TIAM1: variants seen among roughly 807,000 people sequenced by gnomAD.
TIAM1 encodes TIAM Rac1 associated GEF 1.
TIAM1 carries 65 observed loss-of-function variants against 163.5 expected under a neutral mutation model. The ratio of observed to expected loss-of-function variants is 0.40; its 90% confidence interval spans 0.33 to 0.49. TIAM1 has a LOEUF of 0.49. Among genes scored for constraint, TIAM1 ranks in the 20% least tolerant of loss-of-function variants. The probability of loss-of-function intolerance (pLI) is 0.77; values close to 1 mark genes in which losing one functional copy is unlikely to be tolerated. For missense variants in TIAM1, 1,789 were observed against 2,044.7 expected (o/e 0.87, Z 2.41); for synonymous variants, 833 against 810.1 (o/e 1.03, Z -0.48).
At chr21:31,231,580 C>T (rs767310081) in intron 6 of TIAM1, among the ~76,000 whole-genome samples, 1 of 152,222 alleles carries the variant, frequency 6.6e-6, no homozygotes, top group South Asian at 2.1e-4. Context: ...AGTTAAACAC[C>T]CTTTGAATGG....
intron 2 of TIAM1, among the ~76,000 whole-genome samples, chr21:31,431,005 A>G (rs1191549980): frequency 9.2e-5 from 14 of 152,164 alleles, no homozygotes; most frequent in Admixed American, 9.2e-4. Flanking sequence ...AATATGTAAT[A>G]GTAATAATAA....
At chr21:31,506,678 G>A (rs1431974453) in intron 1 of TIAM1, among the ~76,000 whole-genome samples, 3 of 152,200 alleles carry the variant, frequency 2.0e-5, no homozygotes, top group Admixed American at 6.5e-5. Flanking sequence ...AGCACTTTGG[G>A]AGGCTGAGGC....
At chr21:31,450,730 G>A (rs1342151329) in intron 2 of TIAM1, among the ~76,000 whole-genome samples, 8 of 152,320 alleles carry the variant, frequency 5.3e-5, no homozygotes, top group South Asian at 4.1e-4. Context: ...AAGGCGAAAC[G>A]CGTGCCTTAC....
At chr21:31,127,616 C>A (rs1046014592) in intron 25 of TIAM1, among the ~76,000 whole-genome samples, 1 of 152,056 alleles carries the variant, frequency 6.6e-6, no homozygotes, top group Non-Finnish European at 1.5e-5. Context: ...CAGGGTTTCA[C>A]CATGTTGGTT....
rs2077047827 is a variant in TIAM1 at position 31,395,378 on chromosome 21, G to GC, written c.-368-55957dup. ...GATCACTGCTTGCCTCCAGAGAGAAGCAGTCCACTGGGGACACGGTGCCGC... is the reference window on the plus strand; with the variant it reads ...GATCACTGCTTGCCTCCAGAGAGAAGCCAGTCCACTGGGGACACGGTGCCGC... On this transcript the variant is annotated intron_variant, in intron 2 of 28. Coordinates refer to the TIAM1 transcript ENST00000286827. The surrounding 1 kb of genome is among the most constrained non-coding windows in gnomAD (Gnocchi z 7.5). 6.6e-6 allele frequency among the ~76,000 whole-genome samples: 1 copy of GC among 152,154 alleles called. No homozygotes were observed. The highest frequency in any genetic ancestry group is 2.4e-5 in the African/African-American group (1 of 41,436).
chr21:31,245,162 T>C (rs1366473532), intron 6 of TIAM1, among the ~76,000 whole-genome samples: 2 of 152,022 alleles, frequency 1.3e-5, no homozygotes, highest in Admixed American at 1.3e-4. Context: ...GATCCCTTTC[T>C]TAAATGCAAC....
chr21:31,468,459 GACAACAAA>G (rs2045612353), intron 1 of TIAM1, among the ~76,000 whole-genome samples: 1 of 150,776 alleles, frequency 6.6e-6, no homozygotes, highest in African/African-American at 2.4e-5. Flanking sequence ...CTCCAGCCTG[GACAACAAA>G]GTGAGACTAC....
At chr21:31,121,903 A>T (rs1290117597) in intron 27 of TIAM1, among the ~76,000 whole-genome samples, 4 of 152,182 alleles carry the variant, frequency 2.6e-5, no homozygotes, top group Admixed American at 1.3e-4. Flanking sequence ...ATTAGACACG[A>T]AAAGGTGAAA....
At chr21:31,338,465 CA>C (rs2075918021) in intron 2 of TIAM1, among the ~76,000 whole-genome samples, 1 of 152,186 alleles carries the variant, frequency 6.6e-6, no homozygotes, top group Admixed American at 6.5e-5. Flanking sequence ...TTGAAAAGAA[CA>C]AGAGCAACTT....
chr21:31,417,694 G>A (rs1315398024), intron 2 of TIAM1, among the ~76,000 whole-genome samples: 1 of 152,154 alleles, frequency 6.6e-6, no homozygotes, highest in Non-Finnish European at 1.5e-5. Flanking sequence ...GAAGAGAACA[G>A]ATGTACACCT....
At chr21:31,492,497 C>T (rs1307678304) in intron 1 of TIAM1, among the ~76,000 whole-genome samples, 1 of 152,150 alleles carries the variant, frequency 6.6e-6, no homozygotes, top group Non-Finnish European at 1.5e-5. Flanking sequence ...ACTTTAAAGA[C>T]TGATCAAGGA....
At chr21:31,549,385 C>T (rs911192149) in intron 1 of TIAM1, among the ~76,000 whole-genome samples, 4 of 151,826 alleles carry the variant, frequency 2.6e-5, no homozygotes, top group Admixed American at 1.3e-4. Flanking sequence ...TAAATGACAA[C>T]GCACAGAATG....
At chr21:31,359,351 C>CACT (rs1192475957) in intron 2 of TIAM1, among the ~76,000 whole-genome samples, 4 of 152,152 alleles carry the variant, frequency 2.6e-5, no homozygotes, top group Non-Finnish European at 5.9e-5. Context: ...GTACCTAGGA[C>CACT]ACTGCCTAGC....
chr21:31,430,225 AATATATATAT>A (rs35708801), intron 2 of TIAM1, among the ~76,000 whole-genome samples: 1 of 90,280 alleles, frequency 1.1e-5, no homozygotes, highest in African/African-American at 5.8e-5. Context: ...AAAAAAAAAA[AATATATATAT>A]ATATATATAT....
intron 1 of TIAM1, among the ~76,000 whole-genome samples, chr21:31,500,287 C>A (rs1267506184): frequency 3.3e-5 from 5 of 152,214 alleles, no homozygotes; most frequent in African/African-American, 1.2e-4. Context: ...CACTGACAGG[C>A]AGCATATGAC....
chr21:31,236,158 C>T (rs1320898697), intron 6 of TIAM1, among the ~76,000 whole-genome samples: 1 of 152,180 alleles, frequency 6.6e-6, no homozygotes, highest in African/African-American at 2.4e-5. Context: ...GCTAGTGAGT[C>T]GCACCCACCA....
chr21:31,392,096 C>G (rs1374996710), intron 2 of TIAM1, among the ~76,000 whole-genome samples: 1 of 152,100 alleles, frequency 6.6e-6, no homozygotes, highest in Non-Finnish European at 1.5e-5. Flanking sequence ...CTAGGCTAAG[C>G]TAGGATGTTC....
chr21:31,343,706 T>C (rs2076085640), intron 1 of TIAM1, among the ~76,000 whole-genome samples: 1 of 152,128 alleles, frequency 6.6e-6, no homozygotes. Flanking sequence ...TCTTTTTCAA[T>C]GGCACTGACC....
intron 15 of TIAM1, among the ~76,000 whole-genome samples, chr21:31,179,708 C>A (rs2084926087): frequency 6.6e-6 from 1 of 151,842 alleles, no homozygotes; most frequent in African/African-American, 2.4e-5. Flanking sequence ...GTTTAAAACT[C>A]CACCACACAA....
Sources: allele counts gnomAD v4.1 joint callset (sites outside exome capture counted in the v4.1 genomes callset), GRCh38; gene constraint gnomAD v4.1.1; non-coding constraint Gnocchi (gnomAD v3.1); transcripts MANE v1.5; gene names NCBI Gene and HGNC (gene_info 2026-07-23, HGNC 2026-07-21).